PDZD2: variants seen among roughly 807,000 people sequenced by gnomAD.
PDZD2 encodes the protein PDZ domain-containing protein 2.
PDZD2 carries 90 observed loss-of-function variants against 220.7 expected under a neutral mutation model. That is an observed-to-expected ratio of 0.41 (90% CI 0.34 to 0.49). The LOEUF (loss-of-function observed/expected upper bound fraction) is 0.49, where lower values mean the gene tolerates loss of function less well. PDZD2 is among the 20% of genes least tolerant of loss of function. PDZD2 has a pLI of 0.28. For missense variants in PDZD2, 3,174 were observed against 3,608.5 expected, an observed-to-expected ratio of 0.88 and a Z score of 3.08; for synonymous variants, 1,375 against 1,450.5, an observed-to-expected ratio of 0.95 and a Z score of 1.18.
intron 2 of PDZD2, among the ~76,000 whole-genome samples, chr5:31,826,274 G>A (rs1054141505): frequency 3.3e-5 from 5 of 152,088 alleles, no homozygotes; most frequent in South Asian, 2.1e-4. Flanking sequence ...CTTGCTCAAT[G>A]CCACCGTGGT....
At chr5:31,778,836 A>T (rs1425667701) in intron 1 of PDZD2, among the ~76,000 whole-genome samples, 1 of 152,168 alleles carries the variant, frequency 6.6e-6, no homozygotes, top group Non-Finnish European at 1.5e-5. Flanking sequence ...CATTTAGAAG[A>T]TCTAGATATT....
intron 1 of PDZD2, among the ~76,000 whole-genome samples, chr5:31,765,028 G>A (rs1338901892): frequency 6.6e-6 from 1 of 151,910 alleles, no homozygotes; most frequent in Non-Finnish European, 1.5e-5. Flanking sequence ...AGTGAGCCGA[G>A]ATCACGCTAC....
intron 6 of PDZD2, among the ~76,000 whole-genome samples, chr5:32,019,495 A>G (rs1754027157): frequency 6.6e-6 from 1 of 152,236 alleles, no homozygotes; most frequent in Admixed American, 6.5e-5. Flanking sequence ...AGTGGTCTCC[A>G]TAATAGAATA....
At chr5:31,743,335 C>T (rs528559975) in intron 1 of PDZD2, among the ~76,000 whole-genome samples, 146 of 152,114 alleles carry the variant, frequency 9.6e-4, no homozygotes, top group Admixed American at 1.2e-3. Flanking sequence ...CCACCATGCC[C>T]GGCCAATCTT....
At chr5:31,655,173 T>G (rs565396085) in intron 1 of PDZD2, among the ~76,000 whole-genome samples, 1 of 151,914 alleles carries the variant, frequency 6.6e-6, no homozygotes, top group Admixed American at 6.6e-5. Context: ...ATTTTTGTTT[T>G]GTTTTTGTTT....
intron 21 of PDZD2, among the ~76,000 whole-genome samples, chr5:32,096,647 A>G (rs910132027): frequency 3.3e-5 from 5 of 151,910 alleles, no homozygotes; most frequent in African/African-American, 1.2e-4. Context: ...CAGTTAATTA[A>G]TTGTACCTGA....
At chr5:31,864,535 T>G (rs895669188) in intron 2 of PDZD2, among the ~76,000 whole-genome samples, 1 of 152,144 alleles carries the variant, frequency 6.6e-6, no homozygotes, top group African/African-American at 2.4e-5. Context: ...TTTTTTTTTT[T>G]GGAGACGGAG....
chr5:31,934,475 C>T (rs550332732), intron 2 of PDZD2, among the ~76,000 whole-genome samples: 1 of 152,046 alleles, frequency 6.6e-6, no homozygotes, highest in Non-Finnish European at 1.5e-5. Context: ...TCTTCTTTAT[C>T]TCATCAGTAA....
At chr5:31,787,063 T>G (rs1260051485) in intron 1 of PDZD2, among the ~76,000 whole-genome samples, 5 of 152,094 alleles carry the variant, frequency 3.3e-5, no homozygotes, top group African/African-American at 1.2e-4. Flanking sequence ...TGTGAATGAG[T>G]GGGTTGGTAG....
chr5:32,068,863 A>G (rs1258898629), intron 14 of PDZD2, among the ~76,000 whole-genome samples: 3 of 152,126 alleles, frequency 2.0e-5, no homozygotes, highest in African/African-American at 7.2e-5. Flanking sequence ...GTGTCTGTGT[A>G]GGGAGGACAT....
chr5:32,053,932 G>T, intron 10 of PDZD2, 49 bp downstream of exon 10: 1 of 1,056,032 alleles, frequency 9.5e-7, no homozygotes, highest in South Asian at 1.3e-5. Context: ...TTGATCCCAT[G>T]AGAATCTGCC....
At position 32,108,347 on chromosome 5, in the gene PDZD2, C is replaced by CG; in HGVS notation, c.*215dup. 1 of 382,250 alleles carries CG rather than the reference C, an allele frequency of 2.6e-6. No individual in the cohort carries two copies. Among genetic ancestry groups the CG allele is most frequent in the Non-Finnish European group, 4.6e-6 (1 of 215,282 alleles). 23.7% of individuals were successfully genotyped at this position (382,250 alleles called of 1,614,324 possible). On this transcript the variant is annotated 3_prime_UTR_variant, in exon 25 of 25. Coordinates refer to ENST00000438447, the MANE Select transcript of PDZD2 (RefSeq NM_178140.4). ...AGCCTTCCACCTGCGTCACCCAGGC[C>CG]GGGAGGGTTCCTTCGTTCCAGTGCC...
chr5:32,093,208 A>G (rs1743339551), intron 21 of PDZD2, among the ~76,000 whole-genome samples, 184 bp downstream of exon 21: 1 of 152,220 alleles, frequency 6.6e-6, no homozygotes, highest in Admixed American at 6.5e-5. Context: ...CAGCTTCAGA[A>G]GCTAGACCTT....
chr5:32,079,274 AAAAAAC>A (rs1441709648), intron 19 of PDZD2, among the ~76,000 whole-genome samples: 37 of 146,486 alleles, frequency 2.5e-4, no homozygotes, highest in African/African-American at 9.8e-4. Context: ...AAAAACAAAA[AAAAAAC>A]AAAAAAAAAA....
At chr5:31,998,126 A>G (rs1191632476) in intron 4 of PDZD2, among the ~76,000 whole-genome samples, 2 of 152,124 alleles carry the variant, frequency 1.3e-5, no homozygotes, top group African/African-American at 4.8e-5. Flanking sequence ...TCTTGATGGC[A>G]TTCTGAATTA....
intron 1 of PDZD2, among the ~76,000 whole-genome samples, chr5:31,660,790 A>G (rs1025548314): frequency 6.6e-6 from 1 of 152,196 alleles, no homozygotes; most frequent in African/African-American, 2.4e-5. Flanking sequence ...TGGTGTGATT[A>G]TAGCTCACTA....
At chr5:31,858,303 C>T (rs895462631) in intron 2 of PDZD2, among the ~76,000 whole-genome samples, 6 of 152,192 alleles carry the variant, frequency 3.9e-5, no homozygotes, top group Middle Eastern at 3.4e-3. Flanking sequence ...CCTTCCTTCT[C>T]CTCTGGGACA....
chr5:31,692,854 G>A (rs978039812), intron 1 of PDZD2: 24 of 152,262 alleles, frequency 1.6e-4, no homozygotes, highest in African/African-American at 5.8e-4. Flanking sequence ...CCAGGCCTCC[G>A]GGAGGACCCG....
At chr5:31,925,993 A>G (rs1461770227) in intron 2 of PDZD2, among the ~76,000 whole-genome samples, 1 of 152,070 alleles carries the variant, frequency 6.6e-6, no homozygotes, top group Non-Finnish European at 1.5e-5. Flanking sequence ...CTGAGGTGGG[A>G]GGATCATTTG....
Sources: gnomAD v4.1 joint callset for allele counts (sites outside exome capture counted in the v4.1 genomes callset) on GRCh38, gnomAD v4.1.1 for gene constraint, MANE v1.5 for transcripts, NCBI Gene and HGNC (gene_info 2026-07-23, HGNC 2026-07-21) for gene names.